DCC: variants seen among roughly 807,000 people sequenced by gnomAD.
The protein encoded by DCC is DCC netrin 1 receptor, also known as netrin receptor DCC.
DCC carries 58 observed loss-of-function variants against 172.5 expected under a neutral mutation model. The ratio of observed to expected loss-of-function variants is 0.34; its 90% confidence interval spans 0.27 to 0.42. The LOEUF is 0.42. Ranked by LOEUF, DCC falls within the 10% of genes least tolerant of loss-of-function variation. The probability of loss-of-function intolerance (pLI) is 1.00; values close to 1 mark genes in which losing one functional copy is unlikely to be tolerated. For missense variants in DCC, 1,740 were observed against 1,791.0 expected, an observed-to-expected ratio of 0.97 and a Z score of 0.51; for synonymous variants, 709 against 644.5, an observed-to-expected ratio of 1.10 and a Z score of -1.52.
chr18:53,287,793 A>T (rs1392067379), intron 12 of DCC, among the ~76,000 whole-genome samples: 1 of 152,168 alleles, frequency 6.6e-6, no homozygotes, highest in African/African-American at 2.4e-5. Context: ...TAAATATTAA[A>T]TTCTCTGAGT....
intron 26 of DCC, among the ~76,000 whole-genome samples, chr18:53,487,542 T>C (rs1416553244): frequency 6.6e-6 from 1 of 151,812 alleles, no homozygotes; most frequent in Non-Finnish European, 1.5e-5. Flanking sequence ...TTTTTTTTTT[T>C]TTTTTTGAGC....
At chr18:53,026,581 G>C (rs771244210) in intron 5 of DCC, among the ~76,000 whole-genome samples, 1 of 151,996 alleles carries the variant, frequency 6.6e-6, no homozygotes, top group African/African-American at 2.4e-5. Flanking sequence ...TTATAGACAG[G>C]GTATCTCTCT....
intron 25 of DCC, among the ~76,000 whole-genome samples, 193 bp from the exon 26 acceptor site, chr18:53,486,604 T>C (rs1406739901): frequency 6.6e-6 from 1 of 152,216 alleles, no homozygotes; most frequent in Non-Finnish European, 1.5e-5. Context: ...TTTCGTAGTA[T>C]GATGCTTGAG....
intron 8 of DCC, among the ~76,000 whole-genome samples, chr18:53,158,423 C>G (rs2054782119): frequency 6.6e-6 from 1 of 152,154 alleles, no homozygotes; most frequent in African/African-American, 2.4e-5. Flanking sequence ...AGTTCCACTT[C>G]AGGAGAAGCA....
At chr18:52,518,134 C>T in intron 1 of DCC, among the ~76,000 whole-genome samples, 1 of 152,110 alleles carries the variant, frequency 6.6e-6, no homozygotes, top group Non-Finnish European at 1.5e-5. Flanking sequence ...AGCAATCCTC[C>T]TAGAAACAAT....
At chr18:52,409,899 A>G (rs1568156782) in intron 1 of DCC, among the ~76,000 whole-genome samples, 5 of 152,118 alleles carry the variant, frequency 3.3e-5, no homozygotes, top group African/African-American at 1.2e-4. Context: ...CAGCAGGTCA[A>G]CAATAGAATC....
intron 1 of DCC, among the ~76,000 whole-genome samples, chr18:52,679,107 G>A (rs540650038): frequency 6.6e-6 from 1 of 152,022 alleles, no homozygotes; most frequent in African/African-American, 2.4e-5. Context: ...TTTTTCCACA[G>A]GGTATAACAA....
intron 7 of DCC, among the ~76,000 whole-genome samples, chr18:53,107,521 C>CA (rs11361848): frequency 0.063 from 5,355 of 85,438 alleles, 327 homozygotes; most frequent in African/African-American, 0.19. Flanking sequence ...AACTTTGATC[C>CA]AAAAAAAAAA....
chr18:52,417,696 T>A (rs1170793598), intron 1 of DCC, among the ~76,000 whole-genome samples: 1 of 152,222 alleles, frequency 6.6e-6, no homozygotes, highest in African/African-American at 2.4e-5. Flanking sequence ...CTTCAGGTAG[T>A]TCTCGAGCCT....
intron 1 of DCC, among the ~76,000 whole-genome samples, chr18:52,404,245 G>C (rs1467835792): frequency 6.6e-6 from 1 of 151,988 alleles, no homozygotes; most frequent in African/African-American, 2.4e-5. Flanking sequence ...ATAATGTAGA[G>C]CTTTAATGAA....
intron 3 of DCC, among the ~76,000 whole-genome samples, chr18:52,916,110 T>G (rs1232745580): frequency 1.3e-5 from 2 of 152,152 alleles, no homozygotes; most frequent in African/African-American, 4.8e-5. Context: ...ATTCCACATG[T>G]GTCAACATAG....
intron 1 of DCC, among the ~76,000 whole-genome samples, chr18:52,429,273 AG>A (rs1420638903): frequency 1.3e-5 from 2 of 152,262 alleles, no homozygotes; most frequent in East Asian, 3.9e-4. Flanking sequence ...ACTGAGGCTC[AG>A]GCAAGTTGTA....
intron 5 of DCC, among the ~76,000 whole-genome samples, chr18:52,966,405 C>A (rs1388354220): frequency 6.6e-6 from 1 of 152,106 alleles, no homozygotes; most frequent in Non-Finnish European, 1.5e-5. Flanking sequence ...ATACCCTGAA[C>A]AATCTCAATT....
chr18:53,261,351 C>T (rs1171141545), intron 12 of DCC, among the ~76,000 whole-genome samples: 1 of 152,178 alleles, frequency 6.6e-6, no homozygotes, highest in African/African-American at 2.4e-5. Flanking sequence ...GCTCCACACC[C>T]TCGTGAGGAC....
At chr18:53,526,863 C>CCAGGCCACCA in intron 28 of DCC, 104 bp downstream of exon 28, 2 of 1,076,288 alleles carry the variant, frequency 1.9e-6, no homozygotes, top group Non-Finnish European at 2.9e-6. Flanking sequence ...CCAGGCCACC[C>CCAGGCCACCA]CAGGCCATTG....
chr18:52,457,525 G>C (rs546767267), intron 1 of DCC, among the ~76,000 whole-genome samples: 1 of 151,982 alleles, frequency 6.6e-6, no homozygotes, highest in Non-Finnish European at 1.5e-5. Context: ...TTATTTTGTT[G>C]TCTTTAATTC....
intron 1 of DCC, among the ~76,000 whole-genome samples, chr18:52,463,653 C>A (rs1391531159): frequency 6.6e-6 from 1 of 152,128 alleles, no homozygotes; most frequent in Non-Finnish European, 1.5e-5. Flanking sequence ...GCATCATGGT[C>A]TTAGGTGGAG....
chr18:53,432,265 C>T (rs1164300767), intron 21 of DCC, among the ~76,000 whole-genome samples: 2 of 152,066 alleles, frequency 1.3e-5, no homozygotes, highest in East Asian at 3.8e-4. Context: ...TTAATATTAA[C>T]CATAAATAGG....
chr18:53,326,055 T>A (rs1027278410), intron 14 of DCC, among the ~76,000 whole-genome samples: 3 of 152,210 alleles, frequency 2.0e-5, no homozygotes, highest in African/African-American at 7.2e-5. Context: ...CTCATCCAAC[T>A]GTTACTCCCT....
Sources: gnomAD v4.1 joint callset for allele counts (sites outside exome capture counted in the v4.1 genomes callset) on GRCh38, gnomAD v4.1.1 for gene constraint, MANE v1.5 for transcripts, NCBI Gene and HGNC (gene_info 2026-07-23, HGNC 2026-07-21) for gene names.